The following PSME3IP1 variants were observed in gnomAD, a reference collection of about 807,000 sequenced individuals.
The protein encoded by PSME3IP1 is proteasome activator subunit 3 interacting protein 1.
A neutral mutation model predicts 34.1 loss-of-function variants in PSME3IP1; 13 were observed. The ratio of observed to expected loss-of-function variants is 0.38; its 90% CI spans 0.25 to 0.61. The LOEUF is 0.61. Ranked by LOEUF, PSME3IP1 falls within the 20% of genes least tolerant of loss-of-function variation. PSME3IP1 has a pLI of 0.60. For synonymous variants in PSME3IP1, 93 were observed against 114.3 expected (o/e 0.81, Z 1.19); for missense variants, 237 against 301.4 (o/e 0.79, Z 1.58).
Position 57,153,940 on chromosome 16 carries a change from A to G in PSME3IP1, c.*350T>C, listed in dbSNP as rs1262361369. 4 of 258,172 alleles carry G rather than the reference A, an allele frequency of 1.5e-5. No individual in the cohort carries two copies. Among genetic ancestry groups the G allele is most frequent in the African/African-American group, 9.0e-5 (4 of 44,578 alleles). 16.0% of individuals were successfully genotyped at this position (258,172 alleles called of 1,614,324 possible). ...TACTTCTTTGTGCTGTCGGGAAAAG[A>G]AAAAACAGAAAGCAATAAAACCCAA... is the stretch of plus-strand genomic sequence containing the variant. On this transcript the variant is annotated 3_prime_UTR_variant, in exon 7 of 7. Transcript: ENST00000309137.
chr16:57,167,679 C>CT (rs2072060153), intron 4 of PSME3IP1, among the ~76,000 whole-genome samples: 1 of 152,218 alleles, frequency 6.6e-6, no homozygotes, highest in Non-Finnish European at 1.5e-5. Context: ...CGAAGACTAA[C>CT]TCCTGCTCCA....
At chr16:57,155,844 T>C (rs774130372) in intron 6 of PSME3IP1, among the ~76,000 whole-genome samples, 41 of 151,302 alleles carry the variant, frequency 2.7e-4, no homozygotes, top group Middle Eastern at 6.8e-3. Context: ...TAGTGGTGCA[T>C]GCCTGTGGTC....
At chr16:57,157,818 AT>A (rs2070739478) in intron 6 of PSME3IP1, among the ~76,000 whole-genome samples, 1 of 152,088 alleles carries the variant, frequency 6.6e-6, no homozygotes, top group South Asian at 2.1e-4. Flanking sequence ...TGGGTAGACA[AT>A]TTTTTAAAAA....
At chr16:57,161,509 A>ATTT (rs35833252) in intron 6 of PSME3IP1, among the ~76,000 whole-genome samples, 1 of 93,690 alleles carries the variant, frequency 1.1e-5, no homozygotes, top group Non-Finnish European at 2.2e-5. Flanking sequence ...TAAGATCATA[A>ATTT]TTTTTTTTTT....
At chr16:57,173,291 T>A (rs534731083) in intron 2 of PSME3IP1, among the ~76,000 whole-genome samples, 2 of 152,120 alleles carry the variant, frequency 1.3e-5, no homozygotes, top group African/African-American at 4.8e-5. Context: ...TGCAGGACCT[T>A]ACATAGGTGA....
intron 6 of PSME3IP1, among the ~76,000 whole-genome samples, chr16:57,155,275 A>G (rs1449941519): frequency 6.6e-6 from 1 of 152,208 alleles, no homozygotes; most frequent in Non-Finnish European, 1.5e-5. Flanking sequence ...TCTTTTTCTT[A>G]CAGGAAACCC....
At chr16:57,173,557 A>G (rs2072857588) in intron 2 of PSME3IP1, among the ~76,000 whole-genome samples, 171 bp downstream of exon 2, 1 of 152,168 alleles carries the variant, frequency 6.6e-6, no homozygotes, top group Non-Finnish European at 1.5e-5. Flanking sequence ...TGAGCCTGGG[A>G]GGCAGAGGTT....
In PSME3IP1 at chr16:57,153,098, A is replaced by G. The variant is rs555137725; in HGVS notation, c.*1192T>C. On this transcript the variant is annotated 3_prime_UTR_variant, in exon 7 of 7. Coordinates refer to ENST00000309137, the MANE Select transcript of PSME3IP1 (RefSeq NM_024946.4). ...TGCTTATTCTAAAGCAGGAGAGCCT[A>G]CAGATTGTTGTCAAAGCTCATGTCT... 6.5e-6 allele frequency: 1 copy of G among 152,798 alleles called. No individual in the cohort carries two copies. The allele number at this position is 152,798 out of a possible 1,614,324, so 9.5% of individuals were successfully genotyped here. A position where few individuals can be genotyped will look rare whatever the true frequency, so the allele number is the denominator to read the frequency against.
intron 5 of PSME3IP1, 125 bp from the exon 6 acceptor site, chr16:57,164,190 A>G (rs2071590076): frequency 2.7e-6 from 2 of 735,472 alleles, no homozygotes; most frequent in African/African-American, 1.8e-5. Flanking sequence ...GATGATAAAA[A>G]TGAATGAAAA....
At chr16:57,175,188 A>T (rs1196662131) in intron 1 of PSME3IP1, among the ~76,000 whole-genome samples, 8 of 151,720 alleles carry the variant, frequency 5.3e-5, no homozygotes, top group Admixed American at 2.6e-4. Context: ...CTAATTTTTG[A>T]ATTTTTAGTA....
chr16:57,173,933 A>G (rs2072916123), intron 1 of PSME3IP1, 64 bp from the exon 2 acceptor site: 1 of 1,502,750 alleles, frequency 6.7e-7, no homozygotes. Context: ...AAAATTCTAA[A>G]GAGAAACAAG....
At chr16:57,155,894 C>T (rs1379610323) in intron 6 of PSME3IP1, among the ~76,000 whole-genome samples, 1 of 151,620 alleles carries the variant, frequency 6.6e-6, no homozygotes, top group Non-Finnish European at 1.5e-5. Flanking sequence ...TGCTTGAGCC[C>T]AGGAGTTCAA....
chr16:57,173,261 G>A (rs1269635841), intron 2 of PSME3IP1, among the ~76,000 whole-genome samples: 1 of 152,200 alleles, frequency 6.6e-6, no homozygotes, highest in Non-Finnish European at 1.5e-5. Context: ...ATGTGAGTAT[G>A]CTGGCTCTGC....
intron 1 of PSME3IP1, chr16:57,174,208 C>A: frequency 5.1e-6 from 1 of 195,602 alleles, no homozygotes; most frequent in South Asian, 9.5e-5. Flanking sequence ...GCAGGAGAAT[C>A]GCTTGAACCT....
At chr16:57,175,452 C>T (rs1489897425) in intron 1 of PSME3IP1, 5 of 152,170 alleles carry the variant, frequency 3.3e-5, no homozygotes, top group Non-Finnish European at 5.9e-5. Context: ...AATCCAATGT[C>T]CATTCCAAGA....
intron 5 of PSME3IP1, 71 bp downstream of exon 5, chr16:57,167,022 G>C: frequency 6.4e-7 from 1 of 1,571,512 alleles, no homozygotes; most frequent in Non-Finnish European, 8.7e-7. Context: ...GTTGGCTCTG[G>C]CTTCCATTAC....
intron 5 of PSME3IP1, among the ~76,000 whole-genome samples, chr16:57,166,486 T>A (rs2071885868): frequency 6.6e-6 from 1 of 152,188 alleles, no homozygotes; most frequent in Admixed American, 6.5e-5. Flanking sequence ...CTTAGACTGT[T>A]CTCTCCCTTG....
rs1226951116 is a variant in PSME3IP1 at position 57,154,984 on chromosome 16, C to A, written c.548-477G>T. ...ACCAATAAGCCAGCTAGCACAGATA[C>A]AATTTTAAGGCCAAACATCAGCTAC... On this transcript the variant is annotated intron_variant, in intron 6 of 6. Transcript: ENST00000309137. The surrounding 1 kb of genome is among the most constrained non-coding windows in gnomAD (Gnocchi z 4.0). Among the ~76,000 whole-genome samples, 1 of 152,232 alleles carries A rather than the reference C, an allele frequency of 6.6e-6. No homozygotes were observed. Among genetic ancestry groups the A allele is most frequent in the African/African-American group, 2.4e-5 (1 of 41,464 alleles).
chr16:57,173,291 T>G lies in PSME3IP1; in HGVS notation c.128-417A>C, dbSNP rs534731083. 5.9e-5 allele frequency among the ~76,000 whole-genome samples: 9 copies of G among 152,238 alleles called. No homozygotes were observed. In the South Asian group the frequency reaches 1.9e-3, roughly 32 times the overall value. On this transcript the variant is annotated intron_variant, in intron 2 of 6. Transcript: ENST00000309137. ...CTCTGCTCCCAGCTGTGCAGGACCT[T>G]ACATAGGTGACTTCGCCCCTGAGTC...
Sources: gnomAD v4.1 joint callset for allele counts (sites outside exome capture counted in the v4.1 genomes callset) on GRCh38, gnomAD v4.1.1 for gene constraint, Gnocchi (gnomAD v3.1) non-coding constraint, MANE v1.5 for transcripts, NCBI Gene and HGNC (gene_info 2026-07-23, HGNC 2026-07-21) for gene names.